Variants in MCC observed in about 807,000 individuals in gnomAD.
MCC encodes colorectal mutant cancer protein.
In MCC, 90 loss-of-function variants were observed where a neutral mutation model predicts 116.2. The observed-to-expected ratio is 0.77, with a 90% CI of 0.65 to 0.92. The LOEUF (loss-of-function observed/expected upper bound fraction) is 0.92, where lower values mean the gene tolerates loss of function less well. MCC is among the 40% of genes least tolerant of loss of function. MCC has a pLI of 0.00. For missense variants in MCC, 1,516 were observed against 1,312.2 expected (o/e 1.16, Z -2.40); for synonymous variants, 578 against 510.5 (o/e 1.13, Z -1.78).
chr5:113,067,548 G>A (rs565882593), intron 13 of MCC, among the ~76,000 whole-genome samples: 10 of 152,236 alleles, frequency 6.6e-5, no homozygotes, highest in Admixed American at 2.0e-4. Context: ...GAGGCAGGAG[G>A]ATGCTTGAAC....
intron 1 of MCC, among the ~76,000 whole-genome samples, chr5:113,458,603 G>C (rs974756542): frequency 1.3e-5 from 2 of 152,136 alleles, no homozygotes; most frequent in Admixed American, 6.6e-5. Flanking sequence ...ATTAACAAGG[G>C]CTCTTTTAAA....
intron 3 of MCC, among the ~76,000 whole-genome samples, chr5:113,184,479 GTTTTTTTTTT>G (rs11303638): frequency 3.5e-5 from 4 of 115,144 alleles, no homozygotes; most frequent in African/African-American, 1.2e-4. Context: ...TTCGTTTTTT[GTTTTTTTTTT>G]TTTTTTTTGG....
intron 1 of MCC, among the ~76,000 whole-genome samples, chr5:113,461,672 T>TA (rs1002686050): frequency 2.2e-4 from 33 of 149,782 alleles, no homozygotes; most frequent in African/African-American, 8.2e-4. Context: ...CCATGTTTCT[T>TA]AAAAAAACTG....
chr5:113,169,638 C>T (rs1760967985), intron 3 of MCC, among the ~76,000 whole-genome samples: 1 of 152,132 alleles, frequency 6.6e-6, no homozygotes, highest in African/African-American at 2.4e-5. Flanking sequence ...TATGGGGTCA[C>T]ATTCTGGCCA....
At chr5:113,082,527 A>G (rs986298127) in intron 11 of MCC, among the ~76,000 whole-genome samples, 2 of 152,230 alleles carry the variant, frequency 1.3e-5, no homozygotes, top group African/African-American at 4.8e-5. Flanking sequence ...CTCACTATGT[A>G]ATTTGCAAGG....
At chr5:113,432,173 T>A (rs1770673492) in intron 1 of MCC, among the ~76,000 whole-genome samples, 1 of 146,764 alleles carries the variant, frequency 6.8e-6, no homozygotes, top group African/African-American at 2.5e-5. Flanking sequence ...CAAAAATTAG[T>A]TGGGCATGGT....
chr5:113,060,721 A>G (rs1753156822), intron 14 of MCC, among the ~76,000 whole-genome samples: 1 of 152,250 alleles, frequency 6.6e-6, no homozygotes, highest in African/African-American at 2.4e-5. Context: ...CCTTGTTCTC[A>G]TAGAACCTAA....
intron 3 of MCC, among the ~76,000 whole-genome samples, chr5:113,319,806 A>T (rs1767375169): frequency 6.6e-6 from 1 of 152,232 alleles, no homozygotes; most frequent in African/African-American, 2.4e-5. Context: ...ATGGGATATC[A>T]TTGTACAAGC....
chr5:113,173,105 T>C (rs1373429449), intron 3 of MCC, among the ~76,000 whole-genome samples: 2 of 152,188 alleles, frequency 1.3e-5, no homozygotes, highest in Non-Finnish European at 2.9e-5. Context: ...GTTCGTCTTT[T>C]AATTTATATA....
At chr5:113,087,003 G>C (rs536753152) in intron 8 of MCC, among the ~76,000 whole-genome samples, 1 of 152,322 alleles carries the variant, frequency 6.6e-6, no homozygotes, top group East Asian at 1.9e-4. Context: ...ACTCACCTAA[G>C]GGACTTCCAA....
intron 2 of MCC, among the ~76,000 whole-genome samples, chr5:113,381,149 G>A (rs1261797585): frequency 6.6e-6 from 1 of 152,190 alleles, no homozygotes; most frequent in Non-Finnish European, 1.5e-5. Context: ...TTTGGACACG[G>A]TGATGGCAGG....
At chr5:113,293,340 T>G (rs1766584321) in intron 3 of MCC, among the ~76,000 whole-genome samples, 1 of 152,150 alleles carries the variant, frequency 6.6e-6, no homozygotes, top group Non-Finnish European at 1.5e-5. Flanking sequence ...TTTACACTGT[T>G]TTCCTTTTCT....
intron 3 of MCC, among the ~76,000 whole-genome samples, chr5:113,300,812 C>A (rs1766843491): frequency 6.6e-6 from 1 of 152,166 alleles, no homozygotes. Flanking sequence ...AGCCTCTCAC[C>A]AGCCTCAATG....
rs73778915 is a variant in MCC, at chr5:113,081,326, A to G, written c.1784+1534T>C. 7.8e-3 allele frequency among the ~76,000 whole-genome samples: 1,188 copies of G among 152,326 alleles called. 15 individuals carry two copies. Among genetic ancestry groups the G allele is most frequent in the African/African-American group, 0.027 (1,117 of 41,574 alleles). ...GGCAAGTCACTCAACTTGGGACTTCAAAGCCTTTGTTTTCTCATTTGCAAA... is the reference window on the plus strand; with the variant it reads ...GGCAAGTCACTCAACTTGGGACTTCGAAGCCTTTGTTTTCTCATTTGCAAA... On this transcript the variant is annotated intron_variant, in intron 11 of 18. Transcript: ENST00000408903.
At chr5:113,218,079 G>T (rs1024438395) in intron 3 of MCC, among the ~76,000 whole-genome samples, 2 of 147,718 alleles carry the variant, frequency 1.4e-5, no homozygotes, top group Non-Finnish European at 3.0e-5. Context: ...TAAGAAGCCA[G>T]AAGGATGGTT....
intron 1 of MCC, among the ~76,000 whole-genome samples, chr5:113,420,522 C>G (rs1770301283): frequency 1.3e-5 from 2 of 152,302 alleles, no homozygotes; most frequent in South Asian, 2.1e-4. Flanking sequence ...ACAAACCTGA[C>G]AGTAATTCTT....
chr5:113,203,449 T>C (rs1210566918), intron 3 of MCC: 1 of 152,218 alleles, frequency 6.6e-6, no homozygotes, highest in African/African-American at 2.4e-5. Flanking sequence ...CCACCGAGAC[T>C]AATCCCTTAT....
At chr5:113,459,133 A>G (rs113017870) in intron 1 of MCC, among the ~76,000 whole-genome samples, 62 of 68,364 alleles carry the variant, frequency 9.1e-4, no homozygotes, top group Middle Eastern at 7.9e-3. Context: ...GAGTAAGGAT[A>G]TGTGTGTGTG....
chr5:113,340,898 T>C (rs1014516125), intron 2 of MCC, among the ~76,000 whole-genome samples, 168 bp from the exon 3 acceptor site: 1 of 152,140 alleles, frequency 6.6e-6, no homozygotes. Context: ...AACTGACACA[T>C]GGGGAGCCTG....
Sources: gnomAD v4.1 joint callset for allele counts (sites outside exome capture counted in the v4.1 genomes callset) on GRCh38, gnomAD v4.1.1 for gene constraint, MANE v1.5 for transcripts, NCBI Gene and HGNC (gene_info 2026-07-23, HGNC 2026-07-21) for gene names.